The following ITGBL1 variants were observed in gnomAD, a reference collection of about 807,000 sequenced individuals.
The protein encoded by ITGBL1 is integrin subunit beta like 1.
In ITGBL1, 51 loss-of-function variants were observed where a neutral mutation model predicts 68.5. That is an observed-to-expected ratio of 0.74 (90% CI 0.59 to 0.94). The LOEUF (loss-of-function observed/expected upper bound fraction) is 0.94. ITGBL1 is among the 40% of genes least tolerant of loss of function. The pLI is 0.00. For synonymous variants in ITGBL1, 209 were observed against 227.3 expected, an observed-to-expected ratio of 0.92 and a Z score of 0.72; for missense variants, 649 against 647.4, an observed-to-expected ratio of 1.00 and a Z score of -0.03.
intron 7 of ITGBL1, among the ~76,000 whole-genome samples, chr13:101,677,256 GA>G (rs957948039): frequency 6.6e-6 from 1 of 152,126 alleles, no homozygotes; most frequent in African/African-American, 2.4e-5. Context: ...TATTAGGTGT[GA>G]AAAAACTATA....
In ITGBL1 at chr13:101,663,313, T is replaced by A. The variant is rs1258879666; in HGVS notation, c.1016-29272T>A. Among the ~76,000 whole-genome samples the A allele has an allele frequency of 2.0e-5, 3 of 152,326 alleles. No homozygotes were observed. The East Asian group carries it at 5.8e-4, about 29-fold the overall frequency. The stretch of plus-strand genomic sequence containing the variant: ...AGAAAACAGGACTGGTAGTTACAAC[T>A]GGTGTAGCTTTATGAATCTCTAATT... On this transcript the variant is annotated intron_variant, in intron 7 of 10. Transcript: ENST00000376180.
chr13:101,573,583 G>T (rs535597988), intron 3 of ITGBL1, among the ~76,000 whole-genome samples: 38 of 152,282 alleles, frequency 2.5e-4, no homozygotes, highest in African/African-American at 8.9e-4. Context: ...TGTACTAGGT[G>T]CAGCAGTGCT....
At chr13:101,462,193 A>G (rs2048327074) in intron 2 of ITGBL1, among the ~76,000 whole-genome samples, 1 of 152,174 alleles carries the variant, frequency 6.6e-6, no homozygotes, top group African/African-American at 2.4e-5. Context: ...AGCCTCTTCC[A>G]TCATCACATC....
intron 2 of ITGBL1, among the ~76,000 whole-genome samples, chr13:101,468,009 C>A (rs577961748): frequency 6.6e-6 from 1 of 152,030 alleles, no homozygotes; most frequent in Non-Finnish European, 1.5e-5. Flanking sequence ...AAAATGAAAA[C>A]GTGGTAAATG....
chr13:101,714,951 AG>A lies in ITGBL1; in HGVS notation c.1393+403del, dbSNP rs763102671. 4.5e-4 allele frequency: 89 copies of A among 198,562 alleles called. 1 individual carries two copies. The South Asian group carries it at 5.0e-3, about 11-fold the overall frequency. 12.3% of individuals were successfully genotyped at this position (198,562 alleles called of 1,614,324 possible). A position where few individuals can be genotyped will look rare whatever the true frequency, so the allele number is the denominator to read the frequency against. ...ACTAGTTGATGTGTTGGTTGCTTTT[AG>A]GGAACTGGATGTGTGTATGGGGGAG... On this transcript the variant is annotated intron_variant, in intron 10 of 10. Transcript: ENST00000376180.
At chr13:101,661,112 A>G (rs2033074847) in intron 7 of ITGBL1, among the ~76,000 whole-genome samples, 1 of 136,758 alleles carries the variant, frequency 7.3e-6, no homozygotes, top group Non-Finnish European at 1.6e-5. Context: ...TATTTAAATA[A>G]CTATAACAAA....
intron 2 of ITGBL1, among the ~76,000 whole-genome samples, chr13:101,541,430 T>A (rs533113115): frequency 6.6e-6 from 1 of 152,294 alleles, no homozygotes; most frequent in East Asian, 1.9e-4. Flanking sequence ...ATAAGCTTTT[T>A]GGTGTGCTGC....
chr13:101,464,571 A>G (rs900919883), intron 2 of ITGBL1, among the ~76,000 whole-genome samples: 4 of 151,940 alleles, frequency 2.6e-5, no homozygotes, highest in Non-Finnish European at 2.9e-5. Context: ...ATCCTCCTAT[A>G]TATTATTTAT....
chr13:101,715,484 C>T, intron 10 of ITGBL1, 79 bp from the exon 11 acceptor site: 2 of 936,058 alleles, frequency 2.1e-6, no homozygotes, highest in Admixed American at 1.8e-5. Flanking sequence ...TCATTGTGGA[C>T]ACTTGTGATT....
At chr13:101,465,031 A>G (rs2048365252) in intron 2 of ITGBL1, among the ~76,000 whole-genome samples, 2 of 152,166 alleles carry the variant, frequency 1.3e-5, no homozygotes, top group Non-Finnish European at 2.9e-5. Flanking sequence ...ATGACGTATC[A>G]TTTGGGTGAT....
intron 2 of ITGBL1, among the ~76,000 whole-genome samples, chr13:101,523,163 T>C (rs1378109294): frequency 6.6e-6 from 1 of 152,230 alleles, no homozygotes; most frequent in Non-Finnish European, 1.5e-5. Context: ...CATTTGTCCT[T>C]GAAATAAATA....
chr13:101,637,756 T>C (rs1444183762), intron 7 of ITGBL1, among the ~76,000 whole-genome samples: 1 of 152,330 alleles, frequency 6.6e-6, no homozygotes, highest in African/African-American at 2.4e-5. Flanking sequence ...TACATGGGCA[T>C]ACCATATCTG....
chr13:101,506,337 CAT>C (rs34579466), intron 2 of ITGBL1, among the ~76,000 whole-genome samples: 16,085 of 152,078 alleles, frequency 0.11, 1,457 homozygotes, highest in African/African-American at 0.25. Flanking sequence ...ACAAAACTAA[CAT>C]GTGTCAAAGA....
rs140674281 is a variant in ITGBL1 at position 101,602,022 on chromosome 13, T to TTA, written c.1015+3731_1015+3732dup. On this transcript the variant is annotated intron_variant, in intron 7 of 10. Coordinates refer to ENST00000376180, the MANE Select transcript of ITGBL1 (RefSeq NM_004791.3). ...GAGAAATATGATTCTCTTTCTCTCTTTATATATATCTTTTGCACACAGACA... is the reference window on the plus strand; with the variant it reads ...GAGAAATATGATTCTCTTTCTCTCTTTATATATATATCTTTTGCACACAGACA... Among the ~76,000 whole-genome samples, 524 of 152,148 alleles carry TTA rather than the reference T, an allele frequency of 3.4e-3. 4 individuals carry two copies. The highest frequency in any genetic ancestry group is 0.012 in the African/African-American group (491 of 41,556).
intron 3 of ITGBL1, among the ~76,000 whole-genome samples, chr13:101,569,947 T>C (rs779093746): frequency 2.0e-5 from 3 of 152,152 alleles, no homozygotes; most frequent in African/African-American, 4.8e-5. Flanking sequence ...AAGCCATACA[T>C]GTATCACATT....
downstream of ITGBL1, chr13:101,719,920 C>G (rs2034867762): frequency 1.3e-5 from 2 of 152,062 alleles, no homozygotes; most frequent in South Asian, 4.1e-4. Flanking sequence ...GAGGTATCAT[C>G]AAAGAGCTAA....
At chr13:101,551,021 C>T (rs1371969865) in intron 2 of ITGBL1, among the ~76,000 whole-genome samples, 1 of 152,118 alleles carries the variant, frequency 6.6e-6, no homozygotes, top group Non-Finnish European at 1.5e-5. Flanking sequence ...TTTGCTTCAT[C>T]GCTTCTTGGA....
intron 2 of ITGBL1, among the ~76,000 whole-genome samples, chr13:101,553,382 A>T (rs1329691755): frequency 6.6e-6 from 1 of 152,164 alleles, no homozygotes; most frequent in African/African-American, 2.4e-5. Context: ...CCTCTTAAGC[A>T]TATATATTAA....
intron 2 of ITGBL1, among the ~76,000 whole-genome samples, chr13:101,519,980 T>C (rs1023826838): frequency 6.6e-6 from 1 of 152,196 alleles, no homozygotes; most frequent in Non-Finnish European, 1.5e-5. Flanking sequence ...ATATAGTGAT[T>C]TATTAGTATG....
Sources: gnomAD v4.1 joint callset for allele counts (sites outside exome capture counted in the v4.1 genomes callset) on GRCh38, gnomAD v4.1.1 for gene constraint, MANE v1.5 for transcripts, NCBI Gene and HGNC (gene_info 2026-07-23, HGNC 2026-07-21) for gene names.